Variants in PKHD1 observed in about 807,000 individuals in gnomAD.
PKHD1 encodes fibrocystin.
In PKHD1, 291 loss-of-function variants were observed where a neutral mutation model predicts 412.0. The ratio of observed to expected loss-of-function variants is 0.71; its 90% CI spans 0.64 to 0.78. The LOEUF is 0.78. Among genes scored for constraint, PKHD1 ranks in the 30% least tolerant of loss-of-function variants. The pLI is 0.00. For missense variants in PKHD1, 4,825 were observed against 4,950.7 expected (o/e 0.97, Z 0.76); for synonymous variants, 1,777 against 1,821.5 (o/e 0.98, Z 0.62).
At chr6:51,679,559 A>G (rs1203770316) in intron 60 of PKHD1, among the ~76,000 whole-genome samples, 1 of 151,882 alleles carries the variant, frequency 6.6e-6, no homozygotes, top group Non-Finnish European at 1.5e-5. Flanking sequence ...GGAATACAAA[A>G]CCTTCGACTG....
At chr6:51,846,200 TA>T (rs1771118470) in intron 50 of PKHD1, among the ~76,000 whole-genome samples, 1 of 152,042 alleles carries the variant, frequency 6.6e-6, no homozygotes, top group Non-Finnish European at 1.5e-5. Context: ...GGCAAAGACA[TA>T]AAAAAAGACC....
Position 52,082,605 on chromosome 6 carries a change from A to G in PKHD1, c.131-63T>C. 2.6e-6 allele frequency: 4 copies of G among 1,533,986 alleles called. No homozygotes were observed. The South Asian group carries it at 4.5e-5, about 17-fold the overall frequency. ...TGTCATTGACACAGGACAGTGTGAA[A>G]CTGTGCTAAGATCCTGGGGGTAATG... On this transcript the variant is annotated intron_variant, in intron 3 of 66. Coordinates refer to ENST00000371117, the MANE Select transcript of PKHD1 (RefSeq NM_138694.4).
Position 52,079,951 on chromosome 6 carries a change from TC to T in PKHD1, c.338del (p.Gly113AspfsTer4). On this transcript the variant is annotated frameshift_variant, in exon 5 of 67. Coordinates refer to ENST00000371117, the MANE Select transcript of PKHD1 (RefSeq NM_138694.4). LOFTEE classifies it high-confidence loss of function. ...CTGGATTTGGACTGCTTACCAGCTGTCCCCCGAAGTATGCTTCCAGGAAGTA... is the reference window on the plus strand; with the variant it reads ...CTGGATTTGGACTGCTTACCAGCTGTCCCCGAAGTATGCTTCCAGGAAGTA... ...GLYFLEAYFGGQLVSSPNPGP... is the reference protein window; with the variant it reads ...GLYFLEAYFGXQLVSSPNPGP... The T allele has an allele frequency of 6.2e-7, 1 of 1,612,308 alleles. No homozygotes were observed.
chr6:52,084,903 T>C lies in PKHD1; in HGVS notation c.31A>G (p.Ile11Val), dbSNP rs765389565. 27 of 1,606,376 alleles carry C rather than the reference T, an allele frequency of 1.7e-5. No individual in the cohort carries two copies. The highest frequency in any genetic ancestry group is 2.7e-5 in the African/African-American group (2 of 74,780). MTAWLISLMS[I>V]EVLLLAVRHL... ...TGACCTGCCAAAAGTAGTACTTCAATACTCATCAGAGAGATCAGCCAGGCA... is the reference window on the plus strand; with the variant it reads ...TGACCTGCCAAAAGTAGTACTTCAACACTCATCAGAGAGATCAGCCAGGCA... Residue 11 changes from isoleucine (I) to valine (V), a missense_variant, in exon 2 of 67, where the codon ATT becomes GTT. By Grantham distance (29) the Ile-to-Val change is conservative. Transcript: ENST00000371117.
chr6:51,746,920 T>C (rs779893245), intron 58 of PKHD1, 31 bp from the exon 59 acceptor site: 1 of 1,276,808 alleles, frequency 7.8e-7, no homozygotes, highest in Non-Finnish European at 1.1e-6. Flanking sequence ...ATCATAATAT[T>C]ATATCATATA....
chr6:51,805,470 C>T (rs1763624252), intron 52 of PKHD1, among the ~76,000 whole-genome samples: 2 of 152,136 alleles, frequency 1.3e-5, no homozygotes, highest in African/African-American at 2.4e-5. Flanking sequence ...TATCCCAAAC[C>T]TCAGCGTTAT....
chr6:51,639,003 C>T (rs746358764), intron 63 of PKHD1, 47 bp from the exon 64 acceptor site: 16 of 1,288,826 alleles, frequency 1.2e-5, no homozygotes, highest in East Asian at 2.3e-5. Flanking sequence ...TATCTAATCT[C>T]GAACAATGTC....
At chr6:51,670,278 A>G (rs1774691096) in intron 60 of PKHD1, among the ~76,000 whole-genome samples, 1 of 152,114 alleles carries the variant, frequency 6.6e-6, no homozygotes, top group Non-Finnish European at 1.5e-5. Context: ...TTCTTGTTGA[A>G]TTGATCCGTT....
intron 21 of PKHD1, among the ~76,000 whole-genome samples, chr6:52,051,754 C>T (rs1457296082): frequency 7.6e-6 from 1 of 130,932 alleles, no homozygotes; most frequent in Non-Finnish European, 1.8e-5. Context: ...AACTAGTGGA[C>T]TCCAGTGTAT....
chr6:51,841,983 T>C (rs1302655060), intron 50 of PKHD1, among the ~76,000 whole-genome samples: 1 of 152,254 alleles, frequency 6.6e-6, no homozygotes, highest in Non-Finnish European at 1.5e-5. Flanking sequence ...GCATCTTTTC[T>C]GACCCATCTT....
In PKHD1 at chr6:51,852,405, C is replaced by T. The variant is rs543169507; in HGVS notation, c.7911+3488G>A. ...GATTTGGGATAGAGAGTTCTGCAGA[C>T]GTCTACTAGGTCCACTCGATCCAGA... On this transcript the variant is annotated intron_variant, in intron 49 of 66. Transcript: ENST00000371117. Among the ~76,000 whole-genome samples, 21 of 152,204 alleles carry T rather than the reference C, an allele frequency of 1.4e-4. No individual in the cohort carries two copies. The East Asian group carries it at 2.9e-3, about 21-fold the overall frequency.
At chr6:51,686,713 A>C (rs1777490133) in intron 60 of PKHD1, among the ~76,000 whole-genome samples, 2 of 152,202 alleles carry the variant, frequency 1.3e-5, no homozygotes, top group South Asian at 4.1e-4. Context: ...GACACTTTAC[A>C]ACTAGCCAGA....
intron 60 of PKHD1, among the ~76,000 whole-genome samples, chr6:51,723,921 T>C (rs1782237612): frequency 6.6e-6 from 1 of 152,164 alleles, no homozygotes; most frequent in African/African-American, 2.4e-5. Context: ...AACCAGGGAC[T>C]TTCTAAGCTT....
At chr6:51,950,220 A>AAAAAAAAAAAAATATATATATATATAT in intron 36 of PKHD1, among the ~76,000 whole-genome samples, 1 of 98,300 alleles carries the variant, frequency 1.0e-5, no homozygotes, top group African/African-American at 3.8e-5. Flanking sequence ...GAAAAAAAAA[A>AAAAAAAAAAAAATATATATATATATAT]ATATATATAT....
intron 52 of PKHD1, among the ~76,000 whole-genome samples, chr6:51,829,677 GCA>G (rs1397673268): frequency 6.6e-6 from 1 of 152,098 alleles, no homozygotes; most frequent in Non-Finnish European, 1.5e-5. Context: ...GTGTCTCTGG[GCA>G]CAGTTACACA....
At chr6:51,621,876 C>G (rs987422259) in intron 66 of PKHD1, 1 of 152,110 alleles carries the variant, frequency 6.6e-6, no homozygotes, top group African/African-American at 2.4e-5. Context: ...ATAGCAGATA[C>G]GTGTCCTAAG....
intron 23 of PKHD1, among the ~76,000 whole-genome samples, chr6:52,046,496 C>T (rs1158915974): frequency 6.6e-6 from 1 of 152,182 alleles, no homozygotes; most frequent in Non-Finnish European, 1.5e-5. Flanking sequence ...GTAAACTCCA[C>T]ACACCCTTGT....
chr6:51,872,861 C>T (rs146208390), intron 46 of PKHD1, among the ~76,000 whole-genome samples: 226 of 148,388 alleles, frequency 1.5e-3, no homozygotes, highest in African/African-American at 5.4e-3. Flanking sequence ...AGAACTTTCA[C>T]CTTCCATCGT....
chr6:51,633,730 C>T (rs548418058), intron 64 of PKHD1, among the ~76,000 whole-genome samples: 5 of 152,140 alleles, frequency 3.3e-5, no homozygotes, highest in South Asian at 2.1e-4. Flanking sequence ...TGGTTGCCAA[C>T]GATGAATGGT....
Sources: gnomAD v4.1 joint callset for allele counts (sites outside exome capture counted in the v4.1 genomes callset) on GRCh38, gnomAD v4.1.1 for gene constraint, MANE v1.5 for transcripts, NCBI Gene and HGNC (gene_info 2026-07-23, HGNC 2026-07-21) for gene names.